CEP112: variants seen among roughly 807,000 people sequenced by gnomAD.
CEP112 encodes the protein centrosomal protein 112.
A neutral mutation model predicts 153.0 loss-of-function variants in CEP112; 127 were observed. The ratio of observed to expected loss-of-function variants is 0.83; its 90% confidence interval spans 0.72 to 0.96. The LOEUF (loss-of-function observed/expected upper bound fraction) is 0.96. Ranked by LOEUF, CEP112 falls within the 40% of genes least tolerant of loss-of-function variation. The pLI, the probability that CEP112 is intolerant of heterozygous loss-of-function variation, is 0.00. For missense variants in CEP112, 1,089 were observed against 1,101.2 expected, an observed-to-expected ratio of 0.99 and a Z score of 0.16; for synonymous variants, 358 against 374.4, an observed-to-expected ratio of 0.96 and a Z score of 0.51.
chr17:65,920,571 A>G (rs1353571612), intron 19 of CEP112, among the ~76,000 whole-genome samples: 3 of 150,096 alleles, frequency 2.0e-5, no homozygotes, highest in Non-Finnish European at 4.4e-5. Flanking sequence ...CAAGCCCAGT[A>G]CTCCCTGAAA....
chr17:66,060,580 A>G lies in CEP112; in HGVS notation c.1074+2383T>C, dbSNP rs145518655. 1.7e-3 allele frequency among the ~76,000 whole-genome samples: 266 copies of G among 152,258 alleles called. 1 individual carries two copies. The highest frequency in any genetic ancestry group is 6.3e-3 in the African/African-American group (261 of 41,558). The stretch of plus-strand genomic sequence containing the variant: ...ACACACAGACCAATAAAACAGCATG[A>G]AGCACCCAGAAAAAAAATCCACACA... On this transcript the variant is annotated intron_variant, in intron 11 of 26. Coordinates refer to ENST00000535342, the MANE Select transcript of CEP112 (RefSeq NM_001199165.4).
intron 4 of CEP112, among the ~76,000 whole-genome samples, chr17:66,165,093 T>G (rs1157472994): frequency 6.6e-6 from 1 of 151,016 alleles, no homozygotes; most frequent in African/African-American, 2.4e-5. Flanking sequence ...AGCCAGTTTC[T>G]ATGCACCAGC....
intron 23 of CEP112, among the ~76,000 whole-genome samples, chr17:65,721,824 G>T (rs1462673937): frequency 7.3e-6 from 1 of 136,618 alleles, no homozygotes; most frequent in African/African-American, 2.9e-5. Flanking sequence ...CATTTTGTTT[G>T]CAAGGACCAC....
intron 23 of CEP112, among the ~76,000 whole-genome samples, chr17:65,718,139 C>T (rs1159524253): frequency 6.6e-6 from 1 of 152,168 alleles, no homozygotes; most frequent in Non-Finnish European, 1.5e-5. Context: ...GGCGCGGTGG[C>T]TCACGCCTGT....
intron 24 of CEP112, among the ~76,000 whole-genome samples, chr17:65,646,766 A>G (rs1309647666): frequency 6.6e-6 from 1 of 152,164 alleles, no homozygotes; most frequent in East Asian, 1.9e-4. Context: ...GGGTTAGAGG[A>G]GTCTTTGCTA....
chr17:66,096,153 G>A, intron 8 of CEP112, 98 bp downstream of exon 8: 2 of 794,084 alleles, frequency 2.5e-6, no homozygotes. Flanking sequence ...CCTCTTCCTA[G>A]AATATACCAT....
intron 20 of CEP112, among the ~76,000 whole-genome samples, chr17:65,884,537 G>C (rs1275397527): frequency 6.6e-6 from 1 of 151,922 alleles, no homozygotes; most frequent in Non-Finnish European, 1.5e-5. Context: ...TCTTATTTCA[G>C]GTTTTCTTCT....
intron 7 of CEP112, 59 bp downstream of exon 7, chr17:66,096,526 T>C (rs746281935): frequency 2.0e-5 from 24 of 1,227,064 alleles, no homozygotes; most frequent in Non-Finnish European, 2.4e-5. Context: ...AATAACTTAG[T>C]GATTATTTTA....
chr17:65,687,108 T>C (rs232118), intron 24 of CEP112, among the ~76,000 whole-genome samples: 70,613 of 150,662 alleles, frequency 0.47, 16,855 homozygotes, highest in Middle Eastern at 0.55. Context: ...GTAACATTTA[T>C]TGTACAGTGT....
chr17:65,878,469 T>A (rs1372246143), intron 20 of CEP112, among the ~76,000 whole-genome samples: 1 of 152,114 alleles, frequency 6.6e-6, no homozygotes, highest in East Asian at 1.9e-4. Flanking sequence ...AACAAAATGA[T>A]ATATGTACAA....
intron 21 of CEP112, among the ~76,000 whole-genome samples, chr17:65,762,175 T>C (rs1370891525): frequency 6.6e-6 from 1 of 152,094 alleles, no homozygotes; most frequent in Admixed American, 6.6e-5. Context: ...CCTTTATCAT[T>C]ATGTAATGGC....
At chr17:66,160,076 T>G (rs2071633439) in intron 4 of CEP112, among the ~76,000 whole-genome samples, 1 of 152,114 alleles carries the variant, frequency 6.6e-6, no homozygotes, top group Admixed American at 6.6e-5. Context: ...AAATCATGAG[T>G]GAATTCCCAT....
chr17:65,962,431 T>C (rs569644980), intron 17 of CEP112, among the ~76,000 whole-genome samples: 6 of 152,342 alleles, frequency 3.9e-5, no homozygotes, highest in Non-Finnish European at 5.9e-5. Flanking sequence ...CATTTCTTCA[T>C]ACCTTAGGCG....
chr17:66,023,929 A>C (rs923617102), intron 16 of CEP112, among the ~76,000 whole-genome samples: 3 of 152,150 alleles, frequency 2.0e-5, no homozygotes, highest in Non-Finnish European at 4.4e-5. Context: ...ATAAAATACT[A>C]AGAAATCAAG....
intron 17 of CEP112, among the ~76,000 whole-genome samples, chr17:65,977,024 C>T (rs2063062913): frequency 6.6e-6 from 1 of 152,152 alleles, no homozygotes; most frequent in South Asian, 2.1e-4. Flanking sequence ...AGGAGTGAGC[C>T]ACCAGGCCCG....
chr17:65,904,410 T>C (rs2059994365), intron 19 of CEP112, among the ~76,000 whole-genome samples: 1 of 152,110 alleles, frequency 6.6e-6, no homozygotes, highest in African/African-American at 2.4e-5. Flanking sequence ...GTGAAAGACC[T>C]CTTCAAGGAG....
chr17:66,183,184 A>G lies in CEP112; in HGVS notation c.106+10T>C. On this transcript the variant is annotated intron_variant, in intron 2 of 26. Transcript: ENST00000535342. The stretch of plus-strand genomic sequence containing the variant: ...AATCTTAAGAATCTAATCTTCAAAC[A>G]TAATCTTACCTGTCCTATGAGGTAA... 3 of 1,528,746 alleles carry G rather than the reference A, an allele frequency of 2.0e-6. No homozygotes were observed. 94.7% of individuals were successfully genotyped at this position (1,528,746 alleles called of 1,614,324 possible).
At chr17:65,814,125 G>C (rs2056136076) in intron 21 of CEP112, among the ~76,000 whole-genome samples, 1 of 152,142 alleles carries the variant, frequency 6.6e-6, no homozygotes, top group Non-Finnish European at 1.5e-5. Flanking sequence ...ACCCATGTAA[G>C]GCAAGAGTAG....
rs1568549274 is a variant in CEP112 at position 66,149,880 on chromosome 17, G to GTTT, written c.471-17120_471-17118dup. ...GTGTAAATTTAGGGTTTTTTTTTTTGTTTGTTTGTTTTTTTTTTTTTTTTT... is the reference window on the plus strand; with the variant it reads ...GTGTAAATTTAGGGTTTTTTTTTTTGTTTTTTGTTTGTTTTTTTTTTTTTTTTT... On this transcript the variant is annotated intron_variant, in intron 4 of 26. Coordinates refer to ENST00000535342, the MANE Select transcript of CEP112 (RefSeq NM_001199165.4). Among the ~76,000 whole-genome samples, 21 of 60,716 alleles carry GTTT rather than the reference G, an allele frequency of 3.5e-4. 1 individual carries two copies. The highest frequency in any genetic ancestry group is 1.4e-3 in the South Asian group (2 of 1,396). 39.8% of individuals were successfully genotyped at this position (60,716 alleles called of 152,430 possible).
Sources: allele counts gnomAD v4.1 joint callset (sites outside exome capture counted in the v4.1 genomes callset), GRCh38; gene constraint gnomAD v4.1.1; transcripts MANE v1.5; gene names NCBI Gene and HGNC (gene_info 2026-07-23, HGNC 2026-07-21).